The following ARID1A variants were observed in gnomAD, a reference collection of about 807,000 sequenced individuals.
ARID1A encodes the protein AT-rich interactive domain-containing protein 1A.
Under a neutral mutation model 212.6 loss-of-function variants are expected in ARID1A, and 20 were observed. That is an observed-to-expected ratio of 0.09 (90% CI 0.07 to 0.14). ARID1A has a LOEUF of 0.14. Among genes scored for constraint, ARID1A ranks in the 10% least tolerant of loss-of-function variants. ARID1A has a pLI of 1.00. For synonymous variants in ARID1A, 1,376 were observed against 1,222.1 expected (o/e 1.13, Z -2.63); for missense variants, 2,587 against 3,059.0 (o/e 0.85, Z 3.64).
At chr1:26,767,319 A>T (rs1489975981) in intron 10 of ARID1A, among the ~76,000 whole-genome samples, 2 of 152,170 alleles carry the variant, frequency 1.3e-5, no homozygotes, top group African/African-American at 4.8e-5. Context: ...ATTTTAGTCC[A>T]TCCCATTGCC....
chr1:26,755,928 A>G (rs1488906645), intron 4 of ARID1A, among the ~76,000 whole-genome samples: 8 of 151,732 alleles, frequency 5.3e-5, no homozygotes, highest in Non-Finnish European at 1.2e-4. Flanking sequence ...TGTTTTTAGT[A>G]GAGACAGGGT....
In ARID1A at chr1:26,781,459, GA is replaced by G. The variant is rs760723895; in HGVS notation, c.*715del. 0.049 allele frequency: 8,669 copies of G among 177,900 alleles called. 18 individuals carry two copies. The highest frequency in any genetic ancestry group is 0.086 in the East Asian group (846 of 9,814). 11.0% of individuals were successfully genotyped at this position (177,900 alleles called of 1,614,324 possible). On this transcript the variant is annotated 3_prime_UTR_variant, in exon 20 of 20. Coordinates refer to ENST00000324856, the MANE Select transcript of ARID1A (RefSeq NM_006015.6). ...AATGTTTTTAGTTAAACGTTGAGGA[GA>G]AAAAAAAAAAAGGCTTTTCCCCCAA...
chr1:26,745,363 G>C (rs2080826658), intron 4 of ARID1A, among the ~76,000 whole-genome samples: 1 of 152,194 alleles, frequency 6.6e-6, no homozygotes, highest in Admixed American at 6.5e-5. Flanking sequence ...TGCTCCTGCA[G>C]AAACAAGTAA....
At chr1:26,733,239 GGTGATTTT>G (rs1459159648) in intron 4 of ARID1A, among the ~76,000 whole-genome samples, 1 of 152,086 alleles carries the variant, frequency 6.6e-6, no homozygotes, top group Admixed American at 6.5e-5. Context: ...TTTTTCTGGT[GGTGATTTT>G]GTGTGAATAC....
intron 1 of ARID1A, among the ~76,000 whole-genome samples, chr1:26,708,993 C>T (rs1458520603): frequency 1.3e-5 from 2 of 152,100 alleles, no homozygotes; most frequent in African/African-American, 2.4e-5. Flanking sequence ...CCGCGCCCAG[C>T]GGATTATTGT....
At chr1:26,754,111 T>G (rs959961492) in intron 4 of ARID1A, among the ~76,000 whole-genome samples, 13 of 152,318 alleles carry the variant, frequency 8.5e-5, no homozygotes, top group Admixed American at 4.6e-4. Context: ...CTGGCCCGAC[T>G]GAACTTTTTA....
Position 26,696,382 on chromosome 1 carries a change from C to T in ARID1A, c.-22C>T, listed in dbSNP as rs1209110886. The T allele has an allele frequency of 1.6e-6, 2 of 1,247,532 alleles. No homozygotes were observed. The highest frequency in any genetic ancestry group is 1.0e-6 in the Non-Finnish European group (1 of 996,668). 77.3% of individuals were successfully genotyped at this position (1,247,532 alleles called of 1,614,324 possible). A position where few individuals can be genotyped will look rare whatever the true frequency, so the allele number is the denominator to read the frequency against. On this transcript the variant is annotated 5_prime_UTR_variant, in exon 1 of 20. Transcript: ENST00000324856. ...AGACGAAGACAGGGCCGGGTCTCTC[C>T]GCGGACGAGACAGCGGGGATCATGG...
rs182922553 is a variant in ARID1A, at chr1:26,729,253, T to G, written c.1138-398T>G. On this transcript the variant is annotated intron_variant, in intron 1 of 19. Transcript: ENST00000324856. ...TGGAAGAATAGAAACATCTAGATGTTTGTGTATTTGAATTCCCCGTCATGG... is the reference window on the plus strand; with the variant it reads ...TGGAAGAATAGAAACATCTAGATGTGTGTGTATTTGAATTCCCCGTCATGG... 1.4e-5 allele frequency: 3 copies of G among 211,776 alleles called. No individual in the cohort carries two copies. The Admixed American group carries it at 1.6e-4, about 11-fold the overall frequency. 13.1% of individuals were successfully genotyped at this position (211,776 alleles called of 1,614,324 possible).
chr1:26,697,122 G>C lies in ARID1A; in HGVS notation c.719G>C (p.Gly240Ala), dbSNP rs905022100. ...ALSSPRGGTPGSGAAAAAGSK... is the reference protein window; with the variant it reads ...ALSSPRGGTPASGAAAAAGSK... ...AGCTCCCCGAGAGGTGGCACTCCGG[G>C]CTCCGGCGCGGCGGCGGCTGCCGGC... Residue 240 changes from glycine to alanine, a missense_variant, in exon 1 of 20, where the codon GGC becomes GCC. Coordinates refer to ENST00000324856, the MANE Select transcript of ARID1A (RefSeq NM_006015.6). 6.9e-7 allele frequency: 1 copy of C among 1,443,502 alleles called. No individual in the cohort carries two copies. Among genetic ancestry groups the C allele is most frequent in the Non-Finnish European group, 9.1e-7 (1 of 1,103,194 alleles). 89.4% of individuals were successfully genotyped at this position (1,443,502 alleles called of 1,614,324 possible).
At chr1:26,770,401 T>C (rs2081073137) in intron 11 of ARID1A, 1 of 152,074 alleles carries the variant, frequency 6.6e-6, no homozygotes, top group Non-Finnish European at 1.5e-5. Flanking sequence ...TCAAGCAGGG[T>C]GGTCACTGAT....
At chr1:26,754,863 G>A (rs1409121905) in intron 4 of ARID1A, among the ~76,000 whole-genome samples, 2 of 152,242 alleles carry the variant, frequency 1.3e-5, no homozygotes, top group African/African-American at 4.8e-5. Context: ...TCACGCCTGT[G>A]ATCCCAGCAC....
chr1:26,699,943 C>G (rs2080316531), intron 1 of ARID1A, among the ~76,000 whole-genome samples: 1 of 151,396 alleles, frequency 6.6e-6, no homozygotes, highest in Non-Finnish European at 1.5e-5. Context: ...AGAATAGATA[C>G]AGTCCCTGTT....
At chr1:26,738,757 C>T (rs2080758563) in intron 4 of ARID1A, among the ~76,000 whole-genome samples, 1 of 152,108 alleles carries the variant, frequency 6.6e-6, no homozygotes, top group South Asian at 2.1e-4. Context: ...CAGGGTTTCA[C>T]CACGTTGGCC....
chr1:26,696,939 C>G lies in ARID1A; in HGVS notation c.536C>G (p.Pro179Arg), dbSNP rs2124742335. The change falls in exon 1 of 20, where the codon CCT becomes CGT. Residue 179 changes from proline to arginine, a missense_variant. Around this residue, in one of 11 missense-constraint regions of ARID1A, gnomAD observed 735 missense variants for 590.6 expected, o/e 1.24. Coordinates refer to ENST00000324856, the MANE Select transcript of ARID1A (RefSeq NM_006015.6). ...FHQQHGGQQS[P>R]GLAALQSGGG... is the part of the protein sequence containing the mutation. Reference sequence around the variant, plus strand: ...CAACAACATGGCGGACAACAAAGCCCTGGCCTGGCAGCGCTGCAGAGCGGC... The same window carrying G: ...CAACAACATGGCGGACAACAAAGCCGTGGCCTGGCAGCGCTGCAGAGCGGC... 4.1e-6 allele frequency: 6 copies of G among 1,450,772 alleles called. No homozygotes were observed. Among genetic ancestry groups the G allele is most frequent in the Non-Finnish European group, 4.5e-6 (5 of 1,108,262 alleles). 89.9% of individuals were successfully genotyped at this position (1,450,772 alleles called of 1,614,324 possible).
At chr1:26,711,541 G>A (rs1423869496) in intron 1 of ARID1A, among the ~76,000 whole-genome samples, 2 of 152,178 alleles carry the variant, frequency 1.3e-5, no homozygotes, top group Non-Finnish European at 2.9e-5. Flanking sequence ...TTGGAGGTTA[G>A]GGCTTCAACA....
intron 1 of ARID1A, among the ~76,000 whole-genome samples, chr1:26,712,765 T>C (rs553931155): frequency 3.3e-5 from 5 of 152,326 alleles, no homozygotes; most frequent in African/African-American, 1.2e-4. Context: ...GAATGAGGAC[T>C]CTCTGAGGGG....
chr1:26,700,005 T>C (rs897094802), intron 1 of ARID1A, among the ~76,000 whole-genome samples: 1 of 152,322 alleles, frequency 6.6e-6, no homozygotes, highest in African/African-American at 2.4e-5. Context: ...TCTTTTATTA[T>C]CACTAGACCC....
At chr1:26,715,064 C>T (rs916434026) in intron 1 of ARID1A, among the ~76,000 whole-genome samples, 1 of 152,096 alleles carries the variant, frequency 6.6e-6, no homozygotes, top group African/African-American at 2.4e-5. Flanking sequence ...TTTTGTATAA[C>T]TGAAAGACCA....
chr1:26,769,258 GA>G (rs1295040154), intron 11 of ARID1A: 1 of 152,240 alleles, frequency 6.6e-6, no homozygotes, highest in African/African-American at 2.4e-5. Context: ...ATGAGGTACA[GA>G]GAGAATTCTA....
Sources: allele counts gnomAD v4.1 joint callset (sites outside exome capture counted in the v4.1 genomes callset), GRCh38; gene constraint gnomAD v4.1.1; regional missense constraint gnomAD v4.1.1; transcripts MANE v1.5; gene names NCBI Gene and HGNC (gene_info 2026-07-23, HGNC 2026-07-21).